Variants in NELL1 observed in about 807,000 individuals in gnomAD.
NELL1 encodes the protein neural EGFL like 1, also known as protein kinase C-binding protein NELL1.
A neutral mutation model predicts 107.4 loss-of-function variants in NELL1; 76 were observed. The ratio of observed to expected loss-of-function variants is 0.71; its 90% CI spans 0.59 to 0.86. The LOEUF (loss-of-function observed/expected upper bound fraction) is 0.86, where lower values mean the gene tolerates loss of function less well. Among genes scored for constraint, NELL1 ranks in the 40% least tolerant of loss-of-function variants. NELL1 has a pLI of 0.00. For missense variants in NELL1, 1,024 were observed against 1,005.5 expected (o/e 1.02, Z -0.25); for synonymous variants, 353 against 341.2 (o/e 1.03, Z -0.38).
At chr11:20,723,563 A>G (rs998678684) in intron 2 of NELL1, among the ~76,000 whole-genome samples, 8 of 152,090 alleles carry the variant, frequency 5.3e-5, no homozygotes, top group African/African-American at 1.9e-4. Flanking sequence ...GCACCCGTGA[A>G]GCTCTGGAGG....
At chr11:21,100,456 T>C (rs1309267278) in intron 12 of NELL1, among the ~76,000 whole-genome samples, 1 of 152,212 alleles carries the variant, frequency 6.6e-6, no homozygotes, top group Non-Finnish European at 1.5e-5. Flanking sequence ...GACTGTCCAA[T>C]CTTTTCTCCC....
chr11:21,312,441 A>G (rs538045704), intron 14 of NELL1, among the ~76,000 whole-genome samples: 2 of 152,106 alleles, frequency 1.3e-5, no homozygotes, highest in Non-Finnish European at 2.9e-5. Context: ...CTAACTATCC[A>G]GAAAAATAAT....
intron 2 of NELL1, among the ~76,000 whole-genome samples, chr11:20,781,068 G>A (rs777377915): frequency 3.3e-5 from 5 of 152,208 alleles, no homozygotes; most frequent in Non-Finnish European, 5.9e-5. Context: ...AAAGAAGGCA[G>A]TATGGAAGCA....
intron 14 of NELL1, among the ~76,000 whole-genome samples, chr11:21,278,812 T>G (rs1410792473): frequency 6.6e-6 from 1 of 152,094 alleles, no homozygotes; most frequent in Non-Finnish European, 1.5e-5. Flanking sequence ...AGACAAAGAC[T>G]CAGAATAACC....
chr11:20,980,521 A>G (rs1851729078), intron 12 of NELL1, among the ~76,000 whole-genome samples: 1 of 152,184 alleles, frequency 6.6e-6, no homozygotes, highest in Non-Finnish European at 1.5e-5. Context: ...GACCTGAACC[A>G]CTGAAAGGTT....
chr11:21,566,614 A>G (rs1856979899), intron 17 of NELL1, among the ~76,000 whole-genome samples: 1 of 151,878 alleles, frequency 6.6e-6, no homozygotes, highest in South Asian at 2.1e-4. Context: ...CATCTTTGGC[A>G]TATAAGTAGG....
chr11:21,006,697 A>G (rs1255201458), intron 12 of NELL1, among the ~76,000 whole-genome samples: 1 of 151,968 alleles, frequency 6.6e-6, no homozygotes, highest in East Asian at 1.9e-4. Context: ...AAGACCCCCA[A>G]CGCCTCTCAG....
chr11:21,101,911 T>C (rs1431233468), intron 12 of NELL1, among the ~76,000 whole-genome samples: 1 of 152,190 alleles, frequency 6.6e-6, no homozygotes, highest in East Asian at 1.9e-4. Flanking sequence ...TCATCCAGGC[T>C]GTAGTGCAGA....
intron 2 of NELL1, 101 bp downstream of exon 2, chr11:20,678,161 T>G: frequency 7.3e-7 from 1 of 1,368,632 alleles, no homozygotes; most frequent in Non-Finnish European, 1.0e-6. Flanking sequence ...TCGCCTTTGC[T>G]ATTTCTCTTG....
At chr11:21,361,708 T>C (rs1253485146) in intron 14 of NELL1, among the ~76,000 whole-genome samples, 2 of 152,254 alleles carry the variant, frequency 1.3e-5, no homozygotes, top group African/African-American at 4.8e-5. Flanking sequence ...GTCTTTGTCT[T>C]AGTGGGTTAA....
intron 19 of NELL1, among the ~76,000 whole-genome samples, chr11:21,573,883 C>T (rs1388757551): frequency 1.3e-5 from 2 of 151,312 alleles, no homozygotes; most frequent in African/African-American, 2.4e-5. Flanking sequence ...GAAAAAAGTC[C>T]TCTCAAGTTG....
At chr11:20,739,503 AT>A (rs1488492657) in intron 2 of NELL1, among the ~76,000 whole-genome samples, 3 of 152,120 alleles carry the variant, frequency 2.0e-5, no homozygotes, top group Non-Finnish European at 4.4e-5. Flanking sequence ...GTCTGCCTGT[AT>A]TTACATTTTC....
chr11:21,011,823 C>T (rs7124626), intron 12 of NELL1, among the ~76,000 whole-genome samples: 3,577 of 152,190 alleles, frequency 0.024, 141 homozygotes, highest in African/African-American at 0.081. Context: ...TTTTGTTCCT[C>T]GCCTCCACCA....
At chr11:21,498,166 T>C (rs939988902) in intron 15 of NELL1, among the ~76,000 whole-genome samples, 1 of 151,782 alleles carries the variant, frequency 6.6e-6, no homozygotes, top group African/African-American at 2.4e-5. Context: ...TACTAATAAT[T>C]GGAATATTGT....
In NELL1 at chr11:21,040,194, C is replaced by T. The variant is rs537882569; in HGVS notation, c.1301-73395C>T. Among the ~76,000 whole-genome samples the T allele has an allele frequency of 5.3e-5, 8 of 150,322 alleles. No individual in the cohort carries two copies. The South Asian group carries it at 1.7e-3, about 32-fold the overall frequency. On this transcript the variant is annotated intron_variant, in intron 12 of 19. Coordinates refer to ENST00000357134, the MANE Select transcript of NELL1 (RefSeq NM_006157.5). ...TATGTGTGTGTGTGTAAATTTAATA[C>T]TAGGCATCATGTGAAAAAACTATTT...
intron 12 of NELL1, among the ~76,000 whole-genome samples, chr11:21,030,360 C>A (rs1852922934): frequency 6.6e-6 from 1 of 152,166 alleles, no homozygotes; most frequent in Non-Finnish European, 1.5e-5. Context: ...TTTAGTCGTA[C>A]AGACAGCAGT....
At chr11:20,843,711 G>A (rs189951854) in intron 3 of NELL1, among the ~76,000 whole-genome samples, 29 of 142,934 alleles carry the variant, frequency 2.0e-4, no homozygotes. Context: ...GGATACTTTG[G>A]TATCAATTTT....
intron 13 of NELL1, among the ~76,000 whole-genome samples, chr11:21,175,254 G>T (rs1856687924): frequency 1.3e-5 from 2 of 151,818 alleles, no homozygotes; most frequent in Middle Eastern, 6.8e-3. Context: ...GGATCTTCTT[G>T]TTTGTTTGGT....
chr11:21,261,722 A>G (rs951465087), intron 14 of NELL1, among the ~76,000 whole-genome samples: 2 of 151,864 alleles, frequency 1.3e-5, no homozygotes, highest in Admixed American at 1.3e-4. Flanking sequence ...CTGTTTATGA[A>G]CACTGAGAAA....
Sources: allele counts gnomAD v4.1 joint callset (sites outside exome capture counted in the v4.1 genomes callset), GRCh38; gene constraint gnomAD v4.1.1; transcripts MANE v1.5; gene names NCBI Gene and HGNC (gene_info 2026-07-23, HGNC 2026-07-21).